Variants in MIR2052HG observed in about 807,000 individuals in gnomAD.
MIR2052HG encodes MIR2052 host gene.
intron 1 of MIR2052HG, among the ~76,000 whole-genome samples, chr8:74,607,366 C>G (rs1010003101): frequency 2.6e-5 from 4 of 152,174 alleles, no homozygotes; most frequent in African/African-American, 9.7e-5. Flanking sequence ...AATCCCAGCA[C>G]TTTGAGAGGC....
intron 2 of MIR2052HG, among the ~76,000 whole-genome samples, chr8:74,684,338 A>G (rs1809157310): frequency 6.6e-6 from 1 of 152,040 alleles, no homozygotes; most frequent in South Asian, 2.1e-4. Flanking sequence ...GCATGCAAAA[A>G]GCCAAACCAA....
At chr8:74,720,553 T>C (rs888465984) in intron 4 of MIR2052HG, among the ~76,000 whole-genome samples, 19 of 152,234 alleles carry the variant, frequency 1.2e-4, no homozygotes, top group African/African-American at 3.9e-4. Context: ...CTTGCATTAC[T>C]TGTGCCATGG....
At chr8:74,615,354 C>T (rs1250725070) in intron 2 of MIR2052HG, among the ~76,000 whole-genome samples, 2 of 152,158 alleles carry the variant, frequency 1.3e-5, no homozygotes, top group Non-Finnish European at 2.9e-5. Context: ...TTCATAGAAT[C>T]AAAGATTATT....
intron 4 of MIR2052HG, among the ~76,000 whole-genome samples, chr8:74,751,669 C>T (rs1386990876): frequency 6.6e-6 from 1 of 152,096 alleles, no homozygotes; most frequent in Non-Finnish European, 1.5e-5. Context: ...GTTTTTACCC[C>T]ATATTATTCA....
intron 2 of MIR2052HG, among the ~76,000 whole-genome samples, chr8:74,687,898 T>C (rs1399755297): frequency 3.3e-5 from 5 of 152,270 alleles, no homozygotes; most frequent in South Asian, 4.1e-4. Context: ...ATTACCTTGA[T>C]TGTGGTGGTG....
chr8:74,723,793 G>A (rs1039596188), intron 4 of MIR2052HG, among the ~76,000 whole-genome samples: 1 of 152,182 alleles, frequency 6.6e-6, no homozygotes, highest in Admixed American at 6.5e-5. Context: ...AGTTCTTCAT[G>A]TAAGTCAAAA....
intron 2 of MIR2052HG, among the ~76,000 whole-genome samples, chr8:74,638,135 G>T (rs1249611643): frequency 6.6e-6 from 1 of 152,140 alleles, no homozygotes; most frequent in African/African-American, 2.4e-5. Context: ...AAAATAAAGG[G>T]AGTTATCAGA....
chr8:74,603,907 A>G lies in MIR2052HG; in HGVS notation n.128+3999A>G, dbSNP rs113242641. 15 of 1,108,238 alleles carry G rather than the reference A, an allele frequency of 1.4e-5. 2 individuals are homozygous for G. In the African/African-American group the frequency reaches 1.5e-4, roughly 11 times the overall value. The allele number at this position is 1,108,238 out of a possible 1,614,324, so 68.7% of individuals were successfully genotyped here. ...CTTGATCTTGCAACCACCTTTTCCAATGAGAGAGCCACACTGACTAGCAGG... is the reference window on the plus strand; with the variant it reads ...CTTGATCTTGCAACCACCTTTTCCAGTGAGAGAGCCACACTGACTAGCAGG... On this transcript the variant is annotated intron_variant and non_coding_transcript_variant, in intron 1 of 6. Transcript: ENST00000523442.
intron 2 of MIR2052HG, among the ~76,000 whole-genome samples, chr8:74,692,107 G>C (rs2128739998): frequency 6.6e-6 from 1 of 152,184 alleles, no homozygotes; most frequent in African/African-American, 2.4e-5. Flanking sequence ...TTTTGATACA[G>C]AGTCTCACTC....
chr8:74,727,505 C>T (rs1809648693), intron 4 of MIR2052HG, among the ~76,000 whole-genome samples: 1 of 140,914 alleles, frequency 7.1e-6, no homozygotes, highest in Admixed American at 7.1e-5. Context: ...ACCAAGAAGA[C>T]GATGTTCAGA....
chr8:74,695,830 A>G (rs1809290140), intron 2 of MIR2052HG, among the ~76,000 whole-genome samples: 1 of 152,164 alleles, frequency 6.6e-6, no homozygotes, highest in Non-Finnish European at 1.5e-5. Flanking sequence ...TGAAACAATT[A>G]CTACTATACC....
At chr8:74,667,195 A>G (rs1312656289) in intron 2 of MIR2052HG, among the ~76,000 whole-genome samples, 2 of 152,192 alleles carry the variant, frequency 1.3e-5, no homozygotes, top group African/African-American at 4.8e-5. Context: ...GAGGAGGGGT[A>G]TGAATGTGGA....
At chr8:74,742,525 A>T (rs1427172264) in intron 4 of MIR2052HG, among the ~76,000 whole-genome samples, 1 of 152,188 alleles carries the variant, frequency 6.6e-6, no homozygotes, top group Admixed American at 6.6e-5. Flanking sequence ...GCCTATAATT[A>T]GGTGACAAAT....
chr8:74,654,220 C>G (rs1808780579), intron 2 of MIR2052HG, among the ~76,000 whole-genome samples: 1 of 151,984 alleles, frequency 6.6e-6, no homozygotes, highest in South Asian at 2.1e-4. Flanking sequence ...ACATGTGCCC[C>G]TCAGTTTTGA....
intron 4 of MIR2052HG, among the ~76,000 whole-genome samples, chr8:74,731,449 C>T (rs1265379941): frequency 2.6e-5 from 4 of 152,056 alleles, no homozygotes; most frequent in African/African-American, 4.8e-5. Flanking sequence ...TGTGGAATGT[C>T]GGATACACAG....
At chr8:74,636,929 G>T (rs1308992329) in intron 2 of MIR2052HG, among the ~76,000 whole-genome samples, 1 of 152,128 alleles carries the variant, frequency 6.6e-6, no homozygotes, top group Non-Finnish European at 1.5e-5. Context: ...TTTCTAATAT[G>T]CTCACAGCTA....
chr8:74,630,541 A>AAG (rs1349145867), intron 2 of MIR2052HG, among the ~76,000 whole-genome samples: 2 of 152,046 alleles, frequency 1.3e-5, no homozygotes, highest in African/African-American at 2.4e-5. Flanking sequence ...AAAAAAAAAA[A>AAG]AAAGAAAAAA....
chr8:74,702,876 T>C lies in MIR2052HG; in HGVS notation n.294+420T>C, dbSNP rs541691262. Among the ~76,000 whole-genome samples the C allele has an allele frequency of 2.0e-5, 3 of 152,210 alleles. No homozygotes were observed. The South Asian group carries it at 6.2e-4, about 32-fold the overall frequency. ...CAAAGGTAATGAGCAATAGAATTGA[T>C]TGTGATCGACTCACCTATCCTAACC... is the stretch of plus-strand genomic sequence containing the variant. On this transcript the variant is annotated intron_variant and non_coding_transcript_variant, in intron 3 of 6. Coordinates refer to ENST00000523442, the Ensembl canonical transcript of MIR2052HG.
chr8:74,663,451 G>A (rs1414940292), intron 2 of MIR2052HG, among the ~76,000 whole-genome samples: 1 of 152,206 alleles, frequency 6.6e-6, no homozygotes, highest in Non-Finnish European at 1.5e-5. Flanking sequence ...AGAATTCATG[G>A]TTGCTCTTAG....
Sources: gnomAD v4.1 joint callset for allele counts (sites outside exome capture counted in the v4.1 genomes callset) on GRCh38, gnomAD v4.1.1 for gene constraint, MANE v1.5 for transcripts, NCBI Gene and HGNC (gene_info 2026-07-23, HGNC 2026-07-21) for gene names.